Variants in PLD1 observed in about 807,000 individuals in gnomAD.
The protein encoded by PLD1 is choline phosphatase 1.
In PLD1, 112 loss-of-function variants were observed where a neutral mutation model predicts 137.1. The observed-to-expected ratio is 0.82, with a 90% CI of 0.70 to 0.96. PLD1 has a LOEUF of 0.96. Ranked by LOEUF, PLD1 falls within the 40% of genes least tolerant of loss-of-function variation. The pLI, the probability that PLD1 is intolerant of heterozygous loss-of-function variation, is 0.00. For missense variants in PLD1, 1,321 were observed against 1,342.0 expected (o/e 0.98, Z 0.24); for synonymous variants, 431 against 454.7 (o/e 0.95, Z 0.66).
intron 1 of PLD1, among the ~76,000 whole-genome samples, chr3:171,773,019 A>G (rs1722447162): frequency 6.6e-6 from 1 of 152,176 alleles, no homozygotes; most frequent in African/African-American, 2.4e-5. Flanking sequence ...AGAAATATGA[A>G]TAAATCCCCA....
chr3:171,630,995 C>T (rs983495170), intron 23 of PLD1, among the ~76,000 whole-genome samples: 8 of 150,646 alleles, frequency 5.3e-5, no homozygotes, highest in Admixed American at 4.0e-4. Flanking sequence ...GCACATGTAC[C>T]CTAAAACTTA....
rs1402555510 is a variant in PLD1 at position 171,639,625 on chromosome 3, TA to T, written c.2593+3214del. On this transcript the variant is annotated intron_variant, in intron 23 of 26. Coordinates refer to ENST00000351298, the MANE Select transcript of PLD1 (RefSeq NM_002662.5). Reference sequence around the variant, plus strand: ...TATAATATATATTATATATAATATATATTCTATATAATATATATTATATATA... The same window carrying T: ...TATAATATATATTATATATAATATATTTCTATATAATATATATTATATATA... Among the ~76,000 whole-genome samples the T allele has an allele frequency of 1.4e-4, 10 of 71,104 alleles. 2 individuals are homozygous for T. The highest frequency in any genetic ancestry group is 8.2e-4 in the African/African-American group (9 of 10,932). 46.6% of individuals were successfully genotyped at this position (71,104 alleles called of 152,430 possible).
At chr3:171,697,871 C>T (rs1387743931) in intron 12 of PLD1, among the ~76,000 whole-genome samples, 1 of 152,172 alleles carries the variant, frequency 6.6e-6, no homozygotes, top group Non-Finnish European at 1.5e-5. Flanking sequence ...GCTCCTTCAA[C>T]TTAAGAATCA....
In PLD1 at chr3:171,635,965, CTTTTTTTTTTTTTTTTT is replaced by C. The variant is rs71178231; in HGVS notation, c.2593+6858_2593+6874del. On this transcript the variant is annotated intron_variant, in intron 23 of 26. Transcript: ENST00000351298. ...ATGGTATGAGGTAGGGGTTCAACTT[CTTTTTTTTTTTTTTTTT>C]TTTTTTTTTTTTTTTGCAAGTGGAT... Among the ~76,000 whole-genome samples, 26 of 49,288 alleles carry C rather than the reference CTTTTTTTTTTTTTTTTT, an allele frequency of 5.3e-4. 1 individual carries two copies. The highest frequency in any genetic ancestry group is 6.9e-4 in the African/African-American group (12 of 17,468). 32.3% of individuals were successfully genotyped at this position (49,288 alleles called of 152,430 possible).
intron 19 of PLD1, among the ~76,000 whole-genome samples, chr3:171,669,806 C>A (rs530598246): frequency 1.3e-5 from 2 of 152,228 alleles, no homozygotes; most frequent in African/African-American, 4.8e-5. Flanking sequence ...TTAACCATCA[C>A]CACAATCCTG....
At chr3:171,725,954 C>G in intron 7 of PLD1, 64 bp downstream of exon 7, 1 of 1,079,206 alleles carries the variant, frequency 9.3e-7, no homozygotes, top group South Asian at 1.2e-5. Context: ...TGGCATGCTG[C>G]TACGTTAAGT....
intron 1 of PLD1, among the ~76,000 whole-genome samples, chr3:171,760,719 A>C (rs1429081877): frequency 6.6e-6 from 1 of 152,188 alleles, no homozygotes; most frequent in Admixed American, 6.5e-5. Flanking sequence ...GTAACTCACC[A>C]GCCTGAGTCA....
intron 1 of PLD1, among the ~76,000 whole-genome samples, chr3:171,788,204 A>AT (rs1331259169): frequency 0.03 from 4,371 of 148,166 alleles, 257 homozygotes; most frequent in African/African-American, 0.1. Context: ...AAAAAAAAAA[A>AT]AATAATAATA....
rs1006160578 is a variant in PLD1 at position 171,634,445 on chromosome 3, T to G, written c.2593+8395A>C. Among the ~76,000 whole-genome samples the G allele has an allele frequency of 2.2e-4, 34 of 152,212 alleles. 1 individual carries two copies. Among genetic ancestry groups the G allele is most frequent in the African/African-American group, 8.0e-4 (33 of 41,464 alleles). Reference sequence around the variant, plus strand: ...ATCGATATATCTTTTATAAATTTACTAATTCACTATCATCTTCATTTTAGG... The same window carrying G: ...ATCGATATATCTTTTATAAATTTACGAATTCACTATCATCTTCATTTTAGG... On this transcript the variant is annotated intron_variant, in intron 23 of 26. Transcript: ENST00000351298.
At chr3:171,742,548 C>T (rs1719857075) in intron 1 of PLD1, among the ~76,000 whole-genome samples, 1 of 151,844 alleles carries the variant, frequency 6.6e-6, no homozygotes, top group African/African-American at 2.4e-5. Flanking sequence ...CAATGGATTC[C>T]TAAGCCAAAA....
chr3:171,661,270 C>T (rs1361362578), intron 20 of PLD1, among the ~76,000 whole-genome samples: 2 of 152,266 alleles, frequency 1.3e-5, no homozygotes, highest in South Asian at 4.1e-4. Context: ...GGAAGAAAAA[C>T]AGGGCTAGAA....
intron 21 of PLD1, among the ~76,000 whole-genome samples, chr3:171,650,113 A>G (rs894252033): frequency 2.0e-5 from 3 of 152,244 alleles, no homozygotes; most frequent in Non-Finnish European, 4.4e-5. Context: ...GAAGCAGGAC[A>G]CAAAAACATC....
intron 20 of PLD1, among the ~76,000 whole-genome samples, chr3:171,661,307 C>G (rs556439932): frequency 2.4e-4 from 36 of 152,206 alleles, no homozygotes; most frequent in African/African-American, 8.4e-4. Context: ...ACCCATTCCC[C>G]TATCTACCTT....
intron 24 of PLD1, among the ~76,000 whole-genome samples, chr3:171,619,034 C>T (rs1733364571): frequency 6.6e-6 from 1 of 151,856 alleles, no homozygotes; most frequent in Non-Finnish European, 1.5e-5. Context: ...ATTTATTGTC[C>T]AAAATTTTCA....
In PLD1 at chr3:171,707,550, T is replaced by C. The variant is rs543502659; in HGVS notation, c.1145+1205A>G. ...CTGAAAAGACAAAATTTGGTAACAA[T>C]AGAAAGACCAGAATTAAGCTCCTCC... On this transcript the variant is annotated intron_variant, in intron 11 of 26. Coordinates refer to ENST00000351298, the MANE Select transcript of PLD1 (RefSeq NM_002662.5). 1.9e-4 allele frequency among the ~76,000 whole-genome samples: 29 copies of C among 152,222 alleles called. No individual in the cohort carries two copies. The South Asian group carries it at 4.3e-3, about 23-fold the overall frequency.
intron 19 of PLD1, among the ~76,000 whole-genome samples, chr3:171,662,445 A>G (rs1711596951): frequency 6.6e-6 from 1 of 152,170 alleles, no homozygotes; most frequent in South Asian, 2.1e-4. Flanking sequence ...GATTATTTTC[A>G]TTCAAAACTG....
Position 171,612,274 on chromosome 3 carries a change from C to T in PLD1, c.2882+5G>A. On this transcript the variant is annotated splice_donor_5th_base_variant and intron_variant, in intron 25 of 26. Coordinates refer to ENST00000351298, the MANE Select transcript of PLD1 (RefSeq NM_002662.5). This position sits in a 1 kb window ranked among gnomAD's most constrained non-coding sequence, Gnocchi z 4.1. ...CATCAGAGAGACACACTTTGGCGGACTGACCTAAAGCACTGTAGCCGAAGT... is the reference window on the plus strand; with the variant it reads ...CATCAGAGAGACACACTTTGGCGGATTGACCTAAAGCACTGTAGCCGAAGT... The T allele has an allele frequency of 1.2e-6, 2 of 1,613,302 alleles. No homozygotes were observed. Among genetic ancestry groups the T allele is most frequent in the Non-Finnish European group, 1.7e-6 (2 of 1,179,406 alleles).
Position 171,620,485 on chromosome 3 carries a change from C to A in PLD1, c.2629G>T (p.Gly877Cys), listed in dbSNP as rs1005463270. 1 of 1,595,220 alleles carries A rather than the reference C, an allele frequency of 6.3e-7. No individual in the cohort carries two copies. The highest frequency in any genetic ancestry group is 1.1e-5 in the South Asian group (1 of 89,914). The change falls in exon 24 of 27, where the codon GGT (glycine) becomes TGT (cysteine). Residue 877 changes from glycine (G) to cysteine (C), a missense_variant. Physicochemically the swap from Gly to Cys is radical, Grantham distance 159 (BLOSUM62 -3). Coordinates refer to ENST00000351298, the MANE Select transcript of PLD1 (RefSeq NM_002662.5). ...TCGAGCTCTGCATGTGTTCTAAGAC[C>A]ACAGAATGATATGTAATTTATCCAC... The part of the protein sequence containing the change: ...NQWINYISFC[G>C]LRTHAELEGN...
chr3:171,711,241 G>GCTCACTCCAACTTCCGC (rs1717202737), intron 9 of PLD1, among the ~76,000 whole-genome samples: 1 of 143,222 alleles, frequency 7.0e-6, no homozygotes, highest in East Asian at 2.1e-4. Context: ...CTCAATCTCG[G>GCTCACTCCAACTTCCGC]CTCACTCCAA....
Sources: gnomAD v4.1 joint callset for allele counts (sites outside exome capture counted in the v4.1 genomes callset) on GRCh38, gnomAD v4.1.1 for gene constraint, Gnocchi (gnomAD v3.1) non-coding constraint, MANE v1.5 for transcripts, NCBI Gene and HGNC (gene_info 2026-07-23, HGNC 2026-07-21) for gene names.